Variants in GRIK2 observed in about 807,000 individuals in gnomAD.
The protein encoded by GRIK2 is glutamate ionotropic receptor kainate type subunit 2.
A neutral mutation model predicts 100.3 loss-of-function variants in GRIK2; 32 were observed. The observed-to-expected ratio is 0.32, with a 90% CI of 0.24 to 0.43. The LOEUF is 0.43. GRIK2 is among the 20% of genes least tolerant of loss of function. The probability of loss-of-function intolerance (pLI) is 1.00; values close to 1 mark genes in which losing one functional copy is unlikely to be tolerated. For missense variants in GRIK2, 843 were observed against 1,114.9 expected (o/e 0.76, Z 3.47); for synonymous variants, 417 against 389.4 (o/e 1.07, Z -0.83).
At chr6:101,760,254 A>T (rs1163425738) in intron 7 of GRIK2, among the ~76,000 whole-genome samples, 1 of 143,600 alleles carries the variant, frequency 7.0e-6, no homozygotes, top group Non-Finnish European at 1.5e-5. Context: ...GTTTTTATAA[A>T]CTACCTAAAT....
At chr6:101,958,286 T>C (rs994401227) in intron 14 of GRIK2, among the ~76,000 whole-genome samples, 1 of 151,412 alleles carries the variant, frequency 6.6e-6, no homozygotes, top group Non-Finnish European at 1.5e-5. Flanking sequence ...TGTGTGTGGG[T>C]CCATTGCAAG....
At chr6:101,998,105 C>T (rs1794745707) in intron 14 of GRIK2, among the ~76,000 whole-genome samples, 1 of 152,064 alleles carries the variant, frequency 6.6e-6, no homozygotes, top group East Asian at 1.9e-4. Flanking sequence ...GACCACACAC[C>T]TTTTCTCAAT....
chr6:101,652,298 A>G (rs893112548), intron 4 of GRIK2, among the ~76,000 whole-genome samples: 6 of 152,166 alleles, frequency 3.9e-5, no homozygotes, highest in Non-Finnish European at 5.9e-5. Flanking sequence ...TGTCCTTACC[A>G]TAAGAGGCCA....
At chr6:101,401,110 G>T (rs1775282196) in intron 2 of GRIK2, among the ~76,000 whole-genome samples, 1 of 152,182 alleles carries the variant, frequency 6.6e-6, no homozygotes, top group Admixed American at 6.5e-5. Context: ...TCCTAATTAT[G>T]TGGAATCCTG....
At chr6:101,538,673 T>C (rs376881447) in intron 2 of GRIK2, among the ~76,000 whole-genome samples, 1 of 151,698 alleles carries the variant, frequency 6.6e-6, no homozygotes, top group African/African-American at 2.4e-5. Flanking sequence ...TCTGCTATAG[T>C]GTGTCCTTCC....
chr6:101,651,011 T>C (rs202105912), intron 4 of GRIK2, among the ~76,000 whole-genome samples: 14 of 146,768 alleles, frequency 9.5e-5, no homozygotes, highest in East Asian at 7.8e-4. Context: ...TTTCTTTTTT[T>C]TTTTTTTTTT....
chr6:101,668,628 A>G (rs1356023330), intron 4 of GRIK2, among the ~76,000 whole-genome samples: 2 of 152,164 alleles, frequency 1.3e-5, no homozygotes, highest in Non-Finnish European at 2.9e-5. Context: ...TGTGTAGCTT[A>G]TAATACAATG....
chr6:101,825,089 TG>T (rs1782229743), intron 10 of GRIK2, among the ~76,000 whole-genome samples: 3 of 152,294 alleles, frequency 2.0e-5, no homozygotes, highest in African/African-American at 7.2e-5. Flanking sequence ...GCATAGCATT[TG>T]GGCTTGGAAA....
intron 14 of GRIK2, among the ~76,000 whole-genome samples, chr6:101,974,041 A>G (rs1793220330): frequency 6.6e-6 from 1 of 151,970 alleles, no homozygotes; most frequent in South Asian, 2.1e-4. Context: ...CATATACTTT[A>G]TTAAATTATA....
At chr6:102,036,682 C>T (rs1022705015) in intron 15 of GRIK2, among the ~76,000 whole-genome samples, 1 of 151,246 alleles carries the variant, frequency 6.6e-6, no homozygotes, top group Non-Finnish European at 1.5e-5. Context: ...CCAAGAAATG[C>T]CAGGTGACCT....
At chr6:101,752,093 T>A (rs1776825690) in intron 7 of GRIK2, among the ~76,000 whole-genome samples, 1 of 152,220 alleles carries the variant, frequency 6.6e-6, no homozygotes, top group Non-Finnish European at 1.5e-5. Flanking sequence ...TTTACCACTT[T>A]TCAAAATGAT....
At chr6:101,459,053 C>T (rs1326763040) in intron 2 of GRIK2, among the ~76,000 whole-genome samples, 4 of 151,782 alleles carry the variant, frequency 2.6e-5, no homozygotes, top group African/African-American at 4.8e-5. Flanking sequence ...AAATTCTCTG[C>T]TGCTTTCTGC....
At chr6:101,963,435 C>CTACA (rs1792440689) in intron 14 of GRIK2, among the ~76,000 whole-genome samples, 1 of 147,400 alleles carries the variant, frequency 6.8e-6, no homozygotes, top group Non-Finnish European at 1.5e-5. Flanking sequence ...GTAGCTGGGA[C>CTACA]TACAGGCGCC....
chr6:101,630,271 CT>C (rs1380212676), intron 4 of GRIK2, among the ~76,000 whole-genome samples: 2 of 152,018 alleles, frequency 1.3e-5, no homozygotes, highest in Admixed American at 1.3e-4. Context: ...CTATGTTTAG[CT>C]CTTTGAAAAA....
chr6:101,521,930 G>A lies in GRIK2; in HGVS notation c.116-100019G>A, dbSNP rs115103694. Among the ~76,000 whole-genome samples, 1,044 of 152,066 alleles carry A rather than the reference G, an allele frequency of 6.9e-3. 14 individuals carry two copies. Among genetic ancestry groups the A allele is most frequent in the African/African-American group, 0.024 (995 of 41,526 alleles). Reference sequence around the variant, plus strand: ...TTTAGTTTATTATCTAAACAGTAAAGCAAGATATTTAATGTAAGCAAGTTT... The same window carrying A: ...TTTAGTTTATTATCTAAACAGTAAAACAAGATATTTAATGTAAGCAAGTTT... On this transcript the variant is annotated intron_variant, in intron 2 of 16. Transcript: ENST00000369134.
intron 16 of GRIK2, among the ~76,000 whole-genome samples, chr6:102,068,133 G>A (rs1273548264): frequency 6.6e-6 from 1 of 151,814 alleles, no homozygotes; most frequent in Non-Finnish European, 1.5e-5. Flanking sequence ...ATCGGGTGGA[G>A]ATTTTCTTTA....
At chr6:101,742,141 C>A (rs1297577014) in intron 7 of GRIK2, among the ~76,000 whole-genome samples, 1 of 152,136 alleles carries the variant, frequency 6.6e-6, no homozygotes, top group Non-Finnish European at 1.5e-5. Context: ...TTGGAAAAAG[C>A]AAATGTATAT....
intron 4 of GRIK2, among the ~76,000 whole-genome samples, chr6:101,662,425 G>T (rs1024045301): frequency 1.3e-5 from 2 of 152,100 alleles, no homozygotes; most frequent in African/African-American, 4.8e-5. Context: ...TTCTGTTTAA[G>T]TCAAATTATT....
chr6:101,987,391 G>C (rs935282177), intron 14 of GRIK2, among the ~76,000 whole-genome samples: 1 of 151,560 alleles, frequency 6.6e-6, no homozygotes, highest in Non-Finnish European at 1.5e-5. Flanking sequence ...ACATAGTTTT[G>C]CTTTAGTAAT....
Sources: gnomAD v4.1 joint callset for allele counts (sites outside exome capture counted in the v4.1 genomes callset) on GRCh38, gnomAD v4.1.1 for gene constraint, MANE v1.5 for transcripts, NCBI Gene and HGNC (gene_info 2026-07-23, HGNC 2026-07-21) for gene names.